ERC2: variants seen among roughly 807,000 people sequenced by gnomAD.
The protein encoded by ERC2 is ERC protein 2.
ERC2 carries 42 observed loss-of-function variants against 114.8 expected under a neutral mutation model. That is an observed-to-expected ratio of 0.37 (90% CI 0.29 to 0.47). ERC2 has a LOEUF of 0.47. Among genes scored for constraint, ERC2 ranks in the 20% least tolerant of loss-of-function variants. The pLI is 0.99. For synonymous variants in ERC2, 454 were observed against 425.5 expected (o/e 1.07, Z -0.82); for missense variants, 939 against 1,150.7 (o/e 0.82, Z 2.66).
At chr3:56,176,853 A>G (rs971975812) in intron 3 of ERC2, among the ~76,000 whole-genome samples, 3 of 152,160 alleles carry the variant, frequency 2.0e-5, no homozygotes, top group Admixed American at 6.5e-5. Context: ...CACAACCACT[A>G]CCTAGGTGGG....
intron 14 of ERC2, among the ~76,000 whole-genome samples, chr3:55,780,392 C>T (rs1164791419): frequency 6.6e-6 from 1 of 152,118 alleles, no homozygotes; most frequent in African/African-American, 2.4e-5. Flanking sequence ...CTAAGCTCTA[C>T]GTCAACCTGC....
intron 14 of ERC2, among the ~76,000 whole-genome samples, chr3:55,864,772 A>C (rs2062219210): frequency 1.3e-5 from 2 of 152,106 alleles, no homozygotes; most frequent in Admixed American, 6.6e-5. Flanking sequence ...AGTCATCATC[A>C]TCAGCAGTAC....
chr3:56,035,041 T>C (rs1478199397), intron 7 of ERC2, among the ~76,000 whole-genome samples: 3 of 152,034 alleles, frequency 2.0e-5, no homozygotes, highest in Non-Finnish European at 4.4e-5. Context: ...AAGAGTTTGC[T>C]TTTTGAAAAG....
intron 2 of ERC2, among the ~76,000 whole-genome samples, chr3:56,393,739 T>A (rs1576737743): frequency 6.6e-6 from 1 of 152,082 alleles, no homozygotes. Context: ...AACCAAGAAA[T>A]TTTCTCCTTT....
At chr3:56,207,572 C>T (rs1004037913) in intron 3 of ERC2, among the ~76,000 whole-genome samples, 1 of 152,060 alleles carries the variant, frequency 6.6e-6, no homozygotes, top group Non-Finnish European at 1.5e-5. Flanking sequence ...ATCTCACAGG[C>T]TTAAAGATAA....
chr3:56,350,071 T>C (rs972739783), intron 2 of ERC2, among the ~76,000 whole-genome samples: 16 of 151,840 alleles, frequency 1.1e-4, no homozygotes, highest in Admixed American at 9.8e-4. Flanking sequence ...AAAGAAGAAA[T>C]GTCTAGCCCA....
intron 7 of ERC2, among the ~76,000 whole-genome samples, chr3:56,061,414 G>A (rs535943846): frequency 6.6e-6 from 1 of 152,302 alleles, no homozygotes; most frequent in Admixed American, 6.5e-5. Flanking sequence ...TGCTGACACT[G>A]CAATTGGGAG....
chr3:56,149,276 A>AT (rs1055545117), intron 4 of ERC2, 144 bp from the exon 5 acceptor site: 40 of 730,526 alleles, frequency 5.5e-5, no homozygotes, highest in Non-Finnish European at 5.3e-5. Flanking sequence ...AGGACAACTT[A>AT]TTTTTTTTCA....
intron 14 of ERC2, among the ~76,000 whole-genome samples, chr3:55,750,505 G>A (rs762356148): frequency 4.6e-5 from 7 of 152,174 alleles, no homozygotes; most frequent in Non-Finnish European, 8.8e-5. Context: ...TTGCAGGAAG[G>A]AAGAAATGTC....
chr3:56,295,451 A>G (rs2055368230), intron 3 of ERC2, among the ~76,000 whole-genome samples: 1 of 152,198 alleles, frequency 6.6e-6, no homozygotes, highest in Non-Finnish European at 1.5e-5. Context: ...GATTTAATCT[A>G]CTAAGGGCAA....
chr3:56,400,553 T>C (rs1323071655), intron 2 of ERC2, among the ~76,000 whole-genome samples: 2 of 152,184 alleles, frequency 1.3e-5, no homozygotes, highest in Non-Finnish European at 2.9e-5. Flanking sequence ...CTGAATATTT[T>C]TCAGAAGGAA....
At chr3:55,620,529 G>C (rs1437185697) in intron 17 of ERC2, among the ~76,000 whole-genome samples, 2 of 152,128 alleles carry the variant, frequency 1.3e-5, no homozygotes, top group East Asian at 1.9e-4. Flanking sequence ...TAAACACATA[G>C]GTTTTCACCC....
chr3:55,855,255 G>A (rs1205922249), intron 14 of ERC2, among the ~76,000 whole-genome samples: 1 of 152,154 alleles, frequency 6.6e-6, no homozygotes, highest in Non-Finnish European at 1.5e-5. Flanking sequence ...CCCATCACAA[G>A]AGTGTCTCAG....
chr3:55,619,780 C>T (rs1195325236), intron 17 of ERC2, among the ~76,000 whole-genome samples: 1 of 152,150 alleles, frequency 6.6e-6, no homozygotes. Flanking sequence ...ATAATAAACA[C>T]ATCGGATTTG....
chr3:55,661,784 A>C (rs531967585), intron 17 of ERC2, among the ~76,000 whole-genome samples: 1 of 152,152 alleles, frequency 6.6e-6, no homozygotes, highest in African/African-American at 2.4e-5. Context: ...AGTTTGGGCT[A>C]TTTGTGGAGT....
At chr3:55,663,952 C>T (rs815471) in intron 17 of ERC2, among the ~76,000 whole-genome samples, 31,165 of 152,132 alleles carry the variant, frequency 0.2, 4,703 homozygotes, top group African/African-American at 0.43. Context: ...CTGTAAACTA[C>T]GCGCTTGTTT....
At chr3:56,366,430 T>C (rs755065355) in intron 2 of ERC2, among the ~76,000 whole-genome samples, 8 of 152,192 alleles carry the variant, frequency 5.3e-5, no homozygotes, top group Non-Finnish European at 8.8e-5. Flanking sequence ...CCTATCACCA[T>C]GGACTCTAGT....
At chr3:55,871,509 T>C (rs774493412) in intron 14 of ERC2, among the ~76,000 whole-genome samples, 5 of 152,184 alleles carry the variant, frequency 3.3e-5, no homozygotes, top group South Asian at 2.1e-4. Context: ...TAGGTGTAGA[T>C]AATGTGACCA....
At chr3:55,634,839 C>A (rs2059892865) in intron 17 of ERC2, among the ~76,000 whole-genome samples, 2 of 152,124 alleles carry the variant, frequency 1.3e-5, no homozygotes, top group Admixed American at 6.5e-5. Context: ...TCTTCCCTTT[C>A]CCATAGCACT....
Sources: allele counts gnomAD v4.1 joint callset (sites outside exome capture counted in the v4.1 genomes callset), GRCh38; gene constraint gnomAD v4.1.1; transcripts MANE v1.5; gene names NCBI Gene and HGNC (gene_info 2026-07-23, HGNC 2026-07-21).